FGF23: variants seen among roughly 807,000 people sequenced by gnomAD.
FGF23 encodes the protein phosphatonin.
In FGF23, 8 loss-of-function variants were observed where a neutral mutation model predicts 9.0. That is an observed-to-expected ratio of 0.89 (90% CI 0.52 to 1.60). FGF23 has a LOEUF of 1.60. Ranked by LOEUF, FGF23 falls within the 40% of genes most tolerant of loss-of-function variation. The pLI is 0.00. For missense variants in FGF23, 311 were observed against 344.3 expected, an observed-to-expected ratio of 0.90 and a Z score of 0.77; for synonymous variants, 118 against 146.2, an observed-to-expected ratio of 0.81 and a Z score of 1.39.
intron 1 of FGF23, among the ~76,000 whole-genome samples, chr12:4,373,970 C>A (rs566871891): frequency 1.3e-5 from 2 of 152,168 alleles, no homozygotes; most frequent in African/African-American, 4.8e-5. Flanking sequence ...AGTGATGGAG[C>A]CTTGTGGGGG....
Position 4,368,369 on chromosome 12 carries a change from C to T in FGF23, c.*1974G>A. On this transcript the variant is annotated 3_prime_UTR_variant, in exon 3 of 3. Transcript: ENST00000237837. The stretch of plus-strand genomic sequence containing the variant: ...TCAATTTTGCCTTCTCTGGATTTCC[C>T]TAATGTTCCCCTCCCATAATCCTTT... 5.5e-6 allele frequency: 1 copy of T among 180,652 alleles called. No individual in the cohort carries two copies. Among genetic ancestry groups the T allele is most frequent in the Non-Finnish European group, 1.2e-5 (1 of 84,614 alleles). 11.2% of individuals were successfully genotyped at this position (180,652 alleles called of 1,614,324 possible).
chr12:4,372,329 TAA>T (rs112659036), intron 2 of FGF23, among the ~76,000 whole-genome samples: 6 of 144,174 alleles, frequency 4.2e-5, no homozygotes, highest in Admixed American at 4.1e-4. Flanking sequence ...AGTATAATAA[TAA>T]AAAAAAAAAG....
chr12:4,370,216 A>G lies in FGF23; in HGVS notation c.*127T>C. 1 of 980,096 alleles carries G rather than the reference A, an allele frequency of 1.0e-6. No individual in the cohort carries two copies. 60.7% of individuals were successfully genotyped at this position (980,096 alleles called of 1,614,324 possible). ...CAGGACCTCCTGTGGAAGGGACCCC[A>G]GAGAAGCAGCAAATTCCATACATGC... On this transcript the variant is annotated 3_prime_UTR_variant, in exon 3 of 3. Transcript: ENST00000237837.
At position 4,369,920 on chromosome 12, in the gene FGF23, C is replaced by T. The variant is rs1289669488; in HGVS notation, c.*423G>A. ...GCAGTGGAGAAGCTTCTGGGATCTC[C>T]GATTTCCTCTTCCCTACACCTTCAA... On this transcript the variant is annotated 3_prime_UTR_variant, in exon 3 of 3. Coordinates refer to ENST00000237837, the MANE Select transcript of FGF23 (RefSeq NM_020638.3). 4.4e-5 allele frequency: 10 copies of T among 226,428 alleles called. No individual in the cohort carries two copies. The allele number at this position is 226,428 out of a possible 1,614,324, so 14.0% of individuals were successfully genotyped here.
In FGF23 at chr12:4,379,709, G is replaced by T; in HGVS notation, c.-127C>A. 1.3e-6 allele frequency: 1 copy of T among 795,022 alleles called. No homozygotes were observed. Among genetic ancestry groups the T allele is most frequent in the South Asian group, 1.5e-5 (1 of 67,976 alleles). The allele number at this position is 795,022 out of a possible 1,614,324, so 49.2% of individuals were successfully genotyped here. A position where few individuals can be genotyped will look rare whatever the true frequency, so the allele number is the denominator to read the frequency against. ...GTAGCTGGTGTGAGGATCCTAGACTGGATTCCCTCCTTTTTGCCGTCAGAC... is the reference window on the plus strand; with the variant it reads ...GTAGCTGGTGTGAGGATCCTAGACTTGATTCCCTCCTTTTTGCCGTCAGAC... On this transcript the variant is annotated 5_prime_UTR_variant, in exon 1 of 3. Transcript: ENST00000237837.
Position 4,370,018 on chromosome 12 carries a change from A to C in FGF23, c.*325T>G. The C allele has an allele frequency of 5.5e-6, 1 of 182,246 alleles. No individual in the cohort carries two copies. Among genetic ancestry groups the C allele is most frequent in the East Asian group, 9.0e-5 (1 of 11,066 alleles). 11.3% of individuals were successfully genotyped at this position (182,246 alleles called of 1,614,324 possible). On this transcript the variant is annotated 3_prime_UTR_variant, in exon 3 of 3. Coordinates refer to ENST00000237837, the MANE Select transcript of FGF23 (RefSeq NM_020638.3). Reference sequence around the variant, plus strand: ...TTTTTTTTTTATGCTTAAAAGTGATAAAGAGGAGAGGCACAAGGAAGAGAA... The same window carrying C: ...TTTTTTTTTTATGCTTAAAAGTGATCAAGAGGAGAGGCACAAGGAAGAGAA...
chr12:4,372,857 G>A (rs889051379), intron 1 of FGF23, among the ~76,000 whole-genome samples, 160 bp from the exon 2 acceptor site: 5 of 152,110 alleles, frequency 3.3e-5, no homozygotes, highest in African/African-American at 7.2e-5. Context: ...CATATTCAGC[G>A]TTTCTTCTGA....
chr12:4,378,360 G>C (rs1419573351), intron 1 of FGF23, among the ~76,000 whole-genome samples: 2 of 152,030 alleles, frequency 1.3e-5, no homozygotes, highest in Non-Finnish European at 2.9e-5. Flanking sequence ...CCTTTAATTT[G>C]AGCTATATTG....
rs371972859 is a variant in FGF23, at chr12:4,370,393, C to T, written c.706G>A (p.Ala236Thr). The change falls in exon 3 of 3, where the codon GCT (alanine) becomes ACT (threonine). Residue 236 changes from alanine to threonine, a missense_variant. Physicochemically the swap from Ala to Thr is moderately conservative, Grantham distance 58 (BLOSUM62 0). Around this residue, in one of 3 missense-constraint regions of FGF23, gnomAD observed 206 missense variants for 219.2 expected, o/e 0.94. Transcript: ENST00000237837. ...VVRGGRVNTH[A>T]GGTGPEGCRP... ...CAGCCTTCCGGGCCCGTTCCCCCAGCGTGCGTGTTCACTCGACCGCCCCTG... is the reference window on the plus strand; with the variant it reads ...CAGCCTTCCGGGCCCGTTCCCCCAGTGTGCGTGTTCACTCGACCGCCCCTG... 1.7e-5 allele frequency: 28 copies of T among 1,613,634 alleles called. No homozygotes were observed. In the Middle Eastern group the frequency reaches 6.6e-4, roughly 38 times the overall value.
intron 1 of FGF23, among the ~76,000 whole-genome samples, chr12:4,374,391 T>C (rs1418057168): frequency 6.6e-6 from 1 of 152,182 alleles, no homozygotes; most frequent in Non-Finnish European, 1.5e-5. Context: ...GGCTCATGCC[T>C]GTAATCCCAG....
chr12:4,374,063 G>T (rs954221016), intron 1 of FGF23, among the ~76,000 whole-genome samples: 2 of 152,128 alleles, frequency 1.3e-5, no homozygotes, highest in Non-Finnish European at 2.9e-5. Context: ...CAATAATTAG[G>T]TACTAGCTGA....
In FGF23 at chr12:4,379,539, C is replaced by T; in HGVS notation, c.44G>A (p.Ser15Asn). The T allele has an allele frequency of 6.2e-7, 1 of 1,611,848 alleles. No homozygotes were observed. The highest frequency in any genetic ancestry group is 1.1e-5 in the South Asian group (1 of 91,060). The change falls in exon 1 of 3, where the codon AGC (serine) becomes AAC (asparagine). Residue 15 changes from serine to asparagine, a missense_variant. Ser to Asn is a conservative substitution (Grantham distance 46, BLOSUM62 1). Coordinates refer to ENST00000237837, the MANE Select transcript of FGF23 (RefSeq NM_020638.3). ...RLRLWVCALC[S>N]VCSMSVLRAY... ...TCTGAGGACGCTCATGCTGCAGACG[C>T]TGCACAAGGCACAGACCCAGAGCCT...
chr12:4,379,269 G>A (rs1056923268), intron 1 of FGF23, 103 bp downstream of exon 1: 1 of 966,314 alleles, frequency 1.0e-6, no homozygotes. Flanking sequence ...AGAAAGCTAG[G>A]AGGGTTGGAT....
At chr12:4,371,225 G>A (rs1433201060) in intron 2 of FGF23, among the ~76,000 whole-genome samples, 1 of 152,216 alleles carries the variant, frequency 6.6e-6, no homozygotes, top group East Asian at 1.9e-4. Flanking sequence ...TTTGCTGACA[G>A]ATGAGCTGGG....
chr12:4,375,636 C>T (rs545249622), intron 1 of FGF23, among the ~76,000 whole-genome samples: 19 of 152,268 alleles, frequency 1.2e-4, no homozygotes, highest in African/African-American at 4.6e-4. Flanking sequence ...TGTCTCCGTG[C>T]GTGTGACCTT....
chr12:4,374,813 T>G (rs10849049), intron 1 of FGF23, among the ~76,000 whole-genome samples: 144,411 of 151,320 alleles, frequency 0.95, 68,988 homozygotes, highest in East Asian at 1. Context: ...ATTATTATTA[T>G]TAGTAGTAGT....
At chr12:4,372,330 A>AC (rs55968416) in intron 2 of FGF23, among the ~76,000 whole-genome samples, 1 of 87,368 alleles carries the variant, frequency 1.1e-5, no homozygotes, top group Non-Finnish European at 2.7e-5. Flanking sequence ...GTATAATAAT[A>AC]AAAAAAAAAA....
Position 4,379,587 on chromosome 12 carries a change from C to T in FGF23, c.-5G>A. 1 of 1,591,332 alleles carries T rather than the reference C, an allele frequency of 6.3e-7. No homozygotes were observed. Among genetic ancestry groups the T allele is most frequent in the Non-Finnish European group, 8.5e-7 (1 of 1,171,598 alleles). ...CCTGAGGCGGGCCCCCAACATCGTG[C>T]CCTGCTCTGAGTGGCTGGTGCTGAG... On this transcript the variant is annotated 5_prime_UTR_variant, in exon 1 of 3. Coordinates refer to ENST00000237837, the MANE Select transcript of FGF23 (RefSeq NM_020638.3).
chr12:4,376,467 A>G (rs1479793701), intron 1 of FGF23, among the ~76,000 whole-genome samples: 2 of 152,194 alleles, frequency 1.3e-5, no homozygotes, highest in Non-Finnish European at 2.9e-5. Context: ...CCTTCACCAG[A>G]CATTTAATTA....
Sources: allele counts gnomAD v4.1 joint callset (sites outside exome capture counted in the v4.1 genomes callset), GRCh38; gene constraint gnomAD v4.1.1; regional missense constraint gnomAD v4.1.1; transcripts MANE v1.5; gene names NCBI Gene and HGNC (gene_info 2026-07-23, HGNC 2026-07-21).